The following TBL2 variants were observed in gnomAD, a reference collection of about 807,000 sequenced individuals.
TBL2 encodes transducin beta-like protein 2.
TBL2 carries 33 observed loss-of-function variants against 41.8 expected under a neutral mutation model. The observed-to-expected ratio is 0.79, with a 90% confidence interval of 0.60 to 1.06. The LOEUF is 1.06. TBL2 is among the 50% of genes least tolerant of loss of function. The pLI, the probability that TBL2 is intolerant of heterozygous loss-of-function variation, is 0.00. For missense variants in TBL2, 522 were observed against 603.8 expected (o/e 0.86, Z 1.42); for synonymous variants, 239 against 241.7 (o/e 0.99, Z 0.10).
rs572431166 is a variant in TBL2 at position 73,572,725 on chromosome 7, G to A, written c.725+119C>T. On this transcript the variant is annotated intron_variant, in intron 5 of 6. Transcript: ENST00000305632. Reference sequence around the variant, plus strand: ...TGGGGAGAGCTGAGACTTGAAGCTCGGGTTCCTGACCCCACCCCGTATGCT... The same window carrying A: ...TGGGGAGAGCTGAGACTTGAAGCTCAGGTTCCTGACCCCACCCCGTATGCT... The A allele has an allele frequency of 2.1e-5, 30 of 1,431,602 alleles. No homozygotes were observed. In the African/African-American group the frequency reaches 3.0e-4, roughly 14 times the overall value. The allele number at this position is 1,431,602 out of a possible 1,614,324, so 88.7% of individuals were successfully genotyped here.
At chr7:73,576,858 C>T in intron 1 of TBL2, 1 of 375,566 alleles carries the variant, frequency 2.7e-6, no homozygotes, top group Non-Finnish European at 5.3e-6. Context: ...TTTTCCTTGG[C>T]CTTCTGGCAA....
chr7:73,578,402 C>T lies in TBL2; in HGVS notation c.130+18G>A. ...CGGGACACCGCGGGCCGCCCCCACCCGACCCGGCCCCACTTACAGGCGGGC... is the reference window on the plus strand; with the variant it reads ...CGGGACACCGCGGGCCGCCCCCACCTGACCCGGCCCCACTTACAGGCGGGC... On this transcript the variant is annotated intron_variant, in intron 1 of 6. Transcript: ENST00000305632. 6.6e-7 allele frequency: 1 copy of T among 1,523,494 alleles called. No homozygotes were observed. The highest frequency in any genetic ancestry group is 2.1e-5 in the Admixed American group (1 of 47,744). 94.4% of individuals were successfully genotyped at this position (1,523,494 alleles called of 1,614,324 possible).
At chr7:73,578,255 C>T in intron 1 of TBL2, 165 bp downstream of exon 1, 1 of 1,532,592 alleles carries the variant, frequency 6.5e-7, no homozygotes, top group Non-Finnish European at 8.7e-7. Flanking sequence ...CCCGGCAAGG[C>T]GGGTCCCCGT....
chr7:73,574,964 T>C (rs1793210659), intron 1 of TBL2, among the ~76,000 whole-genome samples: 1 of 152,186 alleles, frequency 6.6e-6, no homozygotes, highest in East Asian at 1.9e-4. Flanking sequence ...GCGCACTCTC[T>C]GGGTTGGGTG....
intron 1 of TBL2, chr7:73,578,185 G>C (rs1175615188): frequency 1.4e-6 from 2 of 1,472,708 alleles, no homozygotes; most frequent in Admixed American, 4.4e-5. Flanking sequence ...CTCGGCCACA[G>C]AGAAAGCCGC....
chr7:73,575,164 C>T (rs1291795399), intron 1 of TBL2, among the ~76,000 whole-genome samples: 1 of 151,732 alleles, frequency 6.6e-6, no homozygotes, highest in Non-Finnish European at 1.5e-5. Flanking sequence ...CTTGCTCTGT[C>T]GCCCAGGCTG....
chr7:73,573,505 C>G, intron 3 of TBL2, 34 bp from the exon 4 acceptor site: 1 of 1,612,858 alleles, frequency 6.2e-7, no homozygotes, highest in Non-Finnish European at 8.5e-7. Context: ...CACGCTCTCA[C>G]TGGACAAAGA....
Position 73,570,530 on chromosome 7 carries a change from T to C in TBL2, c.1321A>G (p.Ser441Gly), listed in dbSNP as rs1554587132. 1 of 1,579,004 alleles carries C rather than the reference T, an allele frequency of 6.3e-7. No individual in the cohort carries two copies. The highest frequency in any genetic ancestry group is 1.2e-5 in the South Asian group (1 of 85,846). ...QLTQAQETLK[S>G]LGALKK ...AGTCACTTCTTCAGGGCACCCAGGCTCTTCAGGGTCTCTTGGGCCTGGGTC... is the reference window on the plus strand; with the variant it reads ...AGTCACTTCTTCAGGGCACCCAGGCCCTTCAGGGTCTCTTGGGCCTGGGTC... Residue 441 changes from serine (S) to glycine (G), a missense_variant, in exon 7 of 7, where the codon AGC becomes GGC. Ser to Gly is a moderately conservative substitution (Grantham distance 56, BLOSUM62 0). Transcript: ENST00000305632.
chr7:73,571,438 C>T, intron 5 of TBL2, 97 bp from the exon 6 acceptor site: 1 of 1,525,950 alleles, frequency 6.6e-7, no homozygotes, highest in East Asian at 2.3e-5. Context: ...TGATAATCCT[C>T]ATATCTGGAT....
intron 1 of TBL2, among the ~76,000 whole-genome samples, chr7:73,575,513 T>G (rs1184843601): frequency 6.6e-6 from 1 of 152,184 alleles, no homozygotes; most frequent in Non-Finnish European, 1.5e-5. Context: ...CAGAATGGTC[T>G]CAATCTCCTG....
chr7:73,574,466 T>G lies in TBL2; in HGVS notation c.178A>C (p.Lys60Gln). The change falls in exon 2 of 7, where the codon AAG becomes CAG. Residue 60 changes from lysine (K) to glutamine (Q), a missense_variant. Physicochemically the swap from Lys to Gln is moderately conservative, Grantham distance 53. Coordinates refer to ENST00000305632, the MANE Select transcript of TBL2 (RefSeq NM_012453.4). ...FPPDKSSGSKKQKQYQRIRKE... is the reference protein window; with the variant it reads ...FPPDKSSGSKQQKQYQRIRKE... ...CGAATCCGCTGATATTGTTTCTGCTTCTTGGATCCCGAAGATTTGTCAGGT... is the reference window on the plus strand; with the variant it reads ...CGAATCCGCTGATATTGTTTCTGCTGCTTGGATCCCGAAGATTTGTCAGGT... The G allele has an allele frequency of 6.2e-7, 1 of 1,614,216 alleles. No individual in the cohort carries two copies.
rs1793478262 is a variant in TBL2, at chr7:73,578,426, G to A, written c.124C>T (p.Pro42Ser). The A allele has an allele frequency of 6.5e-7, 1 of 1,527,298 alleles. No individual in the cohort carries two copies. Among genetic ancestry groups the A allele is most frequent in the Non-Finnish European group, 8.8e-7 (1 of 1,138,790 alleles). The allele number at this position is 1,527,298 out of a possible 1,614,324, so 94.6% of individuals were successfully genotyped here. ...CCGACCCGGCCCCACTTACAGGCGG[G>A]CCGGCCGCTCCTCTCCTCCCCCGCG... ...LRAGEERSGR[P>S]ACQKANGFPP... is the part of the protein sequence containing the mutation. The change falls in exon 1 of 7, where the codon CCC (proline) becomes TCC (serine). Residue 42 changes from proline (P) to serine (S), a missense_variant. Transcript: ENST00000305632.
At chr7:73,577,680 C>G (rs2116028139) in intron 1 of TBL2, among the ~76,000 whole-genome samples, 1 of 152,308 alleles carries the variant, frequency 6.6e-6, no homozygotes, top group Non-Finnish European at 1.5e-5. Flanking sequence ...CTTGCCGTCA[C>G]CCAGGCTGAA....
chr7:73,572,700 T>C, intron 5 of TBL2, 144 bp downstream of exon 5: 1 of 1,091,836 alleles, frequency 9.2e-7, no homozygotes, highest in Non-Finnish European at 1.3e-6. Context: ...CTACTGCAAG[T>C]GGGGAGAGCT....
rs1792845567 is a variant in TBL2, at chr7:73,570,359, G to A, written c.*148C>T. Reference sequence around the variant, plus strand: ...AAGAGAGAGACCTAAGTAGACAAGAGTAGTTTCAATGGGAAGAAGCAGGGC... The same window carrying A: ...AAGAGAGAGACCTAAGTAGACAAGAATAGTTTCAATGGGAAGAAGCAGGGC... On this transcript the variant is annotated 3_prime_UTR_variant, in exon 7 of 7. Transcript: ENST00000305632. 3.7e-6 allele frequency: 5 copies of A among 1,334,128 alleles called. No individual in the cohort carries two copies. The highest frequency in any genetic ancestry group is 9.8e-7 in the Non-Finnish European group (1 of 1,015,626). 82.6% of individuals were successfully genotyped at this position (1,334,128 alleles called of 1,614,324 possible).
intron 1 of TBL2, among the ~76,000 whole-genome samples, chr7:73,576,047 A>C (rs913840946): frequency 5.3e-5 from 8 of 151,848 alleles, no homozygotes; most frequent in Non-Finnish European, 1.2e-4. Flanking sequence ...AAATAAATAA[A>C]TAAATAAATA....
chr7:73,578,313 G>T (rs1157197459), intron 1 of TBL2, 107 bp downstream of exon 1: 1 of 1,536,060 alleles, frequency 6.5e-7, no homozygotes, highest in African/African-American at 1.4e-5. Flanking sequence ...GAGGCCCATG[G>T]AGTCGCCGGG....
In TBL2 at chr7:73,573,382, G is replaced by A. The variant is rs1793093077; in HGVS notation, c.536C>T (p.Thr179Ile). 6.2e-7 allele frequency: 1 copy of A among 1,614,072 alleles called. No individual in the cohort carries two copies. The highest frequency in any genetic ancestry group is 1.3e-5 in the African/African-American group (1 of 74,920). Reference sequence around the variant, plus strand: ...GTGCTTTTTAGGGAAGTCCTCTGGGGTGGCTGTGAAGGTGTAGCCCCCATC... The same window carrying A: ...GTGCTTTTTAGGGAAGTCCTCTGGGATGGCTGTGAAGGTGTAGCCCCCATC... ...REDGGYTFTA[T>I]PEDFPKKHKA... The change falls in exon 4 of 7, where the codon ACC becomes ATC. Residue 179 changes from threonine (T) to isoleucine (I), a missense_variant. Physicochemically the swap from Thr to Ile is moderately conservative, Grantham distance 89. Coordinates refer to ENST00000305632, the MANE Select transcript of TBL2 (RefSeq NM_012453.4).
rs1554586493 is a variant in TBL2, at chr7:73,568,012, G to A, written c.*2495C>T. On this transcript the variant is annotated 3_prime_UTR_variant, in exon 7 of 7. Transcript: ENST00000305632. ...CTAAGAACAGGTGCGCAAAGGAAGTGTTTTAGTCTCATTCTTCTGACAATT... is the reference window on the plus strand; with the variant it reads ...CTAAGAACAGGTGCGCAAAGGAAGTATTTTAGTCTCATTCTTCTGACAATT... Among the ~76,000 whole-genome samples the A allele has an allele frequency of 6.6e-6, 1 of 152,196 alleles. No homozygotes were observed. Among genetic ancestry groups the A allele is most frequent in the Admixed American group, 6.5e-5 (1 of 15,276 alleles).
Sources: gnomAD v4.1 joint callset for allele counts (sites outside exome capture counted in the v4.1 genomes callset) on GRCh38, gnomAD v4.1.1 for gene constraint, MANE v1.5 for transcripts, NCBI Gene and HGNC (gene_info 2026-07-23, HGNC 2026-07-21) for gene names.